Variants in CCSER1 observed in about 807,000 individuals in gnomAD.
The protein encoded by CCSER1 is serine-rich coiled-coil domain-containing protein 1.
In CCSER1, 41 loss-of-function variants were observed where a neutral mutation model predicts 82.0. That is an observed-to-expected ratio of 0.50 (90% CI 0.39 to 0.65). CCSER1 has a LOEUF of 0.65. Among genes scored for constraint, CCSER1 ranks in the 30% least tolerant of loss-of-function variants. The pLI, the probability that CCSER1 is intolerant of heterozygous loss-of-function variation, is 0.00. For synonymous variants in CCSER1, 414 were observed against 383.9 expected (o/e 1.08, Z -0.92); for missense variants, 1,119 against 1,064.2 (o/e 1.05, Z -0.72).
chr4:90,628,216 A>G lies in CCSER1; in HGVS notation c.1916A>G (p.Lys639Arg). 3 of 1,613,336 alleles carry G rather than the reference A, an allele frequency of 1.9e-6. No homozygotes were observed. Among genetic ancestry groups the G allele is most frequent in the Non-Finnish European group, 2.5e-6 (3 of 1,179,492 alleles). The stretch of plus-strand genomic sequence containing the variant: ...GTCAAGACGTTATTATTAAAGATGA[A>G]GAGAGTTCTTCAAGAGGTAATGGTT... Reference protein sequence around the residue: ...TAVKTLLLKMKRVLQESADMS... With the variant: ...TAVKTLLLKMRRVLQESADMS... Residue 639 changes from lysine to arginine, a missense_variant, in exon 6 of 11, where the codon AAG becomes AGG. By Grantham distance (26) the Lys-to-Arg change is conservative (BLOSUM62 2). Coordinates refer to ENST00000509176, the MANE Select transcript of CCSER1 (RefSeq NM_001145065.2).
chr4:91,467,418 TACCATTC>T, intron 10 of CCSER1, among the ~76,000 whole-genome samples: 1 of 152,138 alleles, frequency 6.6e-6, no homozygotes, highest in Non-Finnish European at 1.5e-5. Flanking sequence ...TCCTAGGCAA[TACCATTC>T]AGGCCATAGG....
At chr4:91,195,922 G>A (rs1735370691) in intron 10 of CCSER1, among the ~76,000 whole-genome samples, 3 of 151,634 alleles carry the variant, frequency 2.0e-5, no homozygotes, top group Admixed American at 2.0e-4. Flanking sequence ...AAGCCCCCGT[G>A]TTAGCCAGGA....
intron 10 of CCSER1, among the ~76,000 whole-genome samples, chr4:91,266,118 A>C (rs1420275716): frequency 6.6e-6 from 1 of 152,144 alleles, no homozygotes; most frequent in Non-Finnish European, 1.5e-5. Flanking sequence ...CAACACGTGG[A>C]AATTATGGAA....
At chr4:91,521,186 C>A (rs1185768506) in intron 10 of CCSER1, among the ~76,000 whole-genome samples, 1 of 152,160 alleles carries the variant, frequency 6.6e-6, no homozygotes, top group East Asian at 1.9e-4. Context: ...TTTACAGCTT[C>A]ATGCATGTCC....
At chr4:90,219,170 A>G (rs1741662056) in intron 1 of CCSER1, among the ~76,000 whole-genome samples, 1 of 152,238 alleles carries the variant, frequency 6.6e-6, no homozygotes, top group Non-Finnish European at 1.5e-5. Context: ...AACATGAATT[A>G]GAAGTATGGA....
intron 10 of CCSER1, among the ~76,000 whole-genome samples, chr4:91,370,589 A>G (rs1749966114): frequency 6.6e-6 from 1 of 151,944 alleles, no homozygotes; most frequent in Non-Finnish European, 1.5e-5. Context: ...CCAGATACTC[A>G]GGAGGCTGAG....
intron 6 of CCSER1, among the ~76,000 whole-genome samples, chr4:90,635,523 A>G (rs1319904105): frequency 6.6e-6 from 1 of 151,866 alleles, no homozygotes; most frequent in Non-Finnish European, 1.5e-5. Flanking sequence ...GATGATGATA[A>G]TAATATCACA....
At chr4:90,514,002 G>A (rs532493627) in intron 5 of CCSER1, among the ~76,000 whole-genome samples, 6 of 152,278 alleles carry the variant, frequency 3.9e-5, no homozygotes, top group Admixed American at 2.6e-4. Context: ...TGCCATTTGA[G>A]AGAATCGTGG....
intron 10 of CCSER1, among the ~76,000 whole-genome samples, chr4:91,254,967 TTAC>T (rs1307838492): frequency 1.3e-5 from 2 of 152,178 alleles, no homozygotes; most frequent in East Asian, 3.9e-4. Flanking sequence ...TCTATGATTT[TTAC>T]TACTGTGATT....
chr4:90,318,924 A>G (rs903878886), intron 3 of CCSER1, among the ~76,000 whole-genome samples: 2 of 152,164 alleles, frequency 1.3e-5, no homozygotes, highest in African/African-American at 4.8e-5. Flanking sequence ...TATCTTGCCA[A>G]TACAACAGAT....
intron 10 of CCSER1, among the ~76,000 whole-genome samples, chr4:91,439,149 C>T (rs28775874): frequency 3.3e-5 from 5 of 151,958 alleles, no homozygotes; most frequent in Admixed American, 2.6e-4. Flanking sequence ...AGATACTCCT[C>T]GAGAAGAGCA....
At chr4:90,617,656 G>A (rs899325497) in intron 5 of CCSER1, among the ~76,000 whole-genome samples, 1 of 152,052 alleles carries the variant, frequency 6.6e-6, no homozygotes, top group Non-Finnish European at 1.5e-5. Context: ...ATGATTTATA[G>A]CCATGTATCA....
At chr4:90,295,676 A>C (rs966424949) in intron 1 of CCSER1, among the ~76,000 whole-genome samples, 1 of 152,020 alleles carries the variant, frequency 6.6e-6, no homozygotes, top group African/African-American at 2.4e-5. Flanking sequence ...AGTTCTTTAT[A>C]TATTCCAGAT....
chr4:90,888,221 A>C (rs538505774), intron 8 of CCSER1, among the ~76,000 whole-genome samples: 2 of 152,192 alleles, frequency 1.3e-5, no homozygotes, highest in African/African-American at 4.8e-5. Context: ...AATTCAAAAA[A>C]ATCAGCTCTA....
chr4:91,293,583 T>C (rs1021499678), intron 10 of CCSER1, among the ~76,000 whole-genome samples: 1 of 152,010 alleles, frequency 6.6e-6, no homozygotes, highest in Admixed American at 6.6e-5. Flanking sequence ...ATTGAGGTTA[T>C]TCTATAAAAA....
intron 10 of CCSER1, among the ~76,000 whole-genome samples, chr4:91,215,470 T>C (rs2149091015): frequency 6.6e-6 from 1 of 152,288 alleles, no homozygotes; most frequent in Non-Finnish European, 1.5e-5. Context: ...GTCTGCAAGC[T>C]AAAGAGCAAG....
intron 9 of CCSER1, among the ~76,000 whole-genome samples, chr4:90,937,192 G>A (rs146789882): frequency 1.9e-3 from 294 of 152,256 alleles, no homozygotes; most frequent in Middle Eastern, 6.8e-3. Flanking sequence ...AGGAGCTACT[G>A]TGTAGAAAAG....
intron 5 of CCSER1, among the ~76,000 whole-genome samples, chr4:90,502,387 A>G (rs1770028520): frequency 6.6e-6 from 1 of 152,148 alleles, no homozygotes; most frequent in East Asian, 1.9e-4. Flanking sequence ...CAAAGAGGAA[A>G]TCTGTCCCCA....
chr4:91,558,018 T>C (rs1158628679), intron 10 of CCSER1, among the ~76,000 whole-genome samples: 1 of 151,076 alleles, frequency 6.6e-6, no homozygotes, highest in African/African-American at 2.4e-5. Flanking sequence ...ACTTTAAATA[T>C]TTCTTAAACA....
Sources: gnomAD v4.1 joint callset for allele counts (sites outside exome capture counted in the v4.1 genomes callset) on GRCh38, gnomAD v4.1.1 for gene constraint, MANE v1.5 for transcripts, NCBI Gene and HGNC (gene_info 2026-07-23, HGNC 2026-07-21) for gene names.